ZNF609: variants seen among roughly 807,000 people sequenced by gnomAD.
ZNF609 encodes the protein zinc finger protein 609.
In ZNF609, 11 loss-of-function variants were observed where a neutral mutation model predicts 109.5. The ratio of observed to expected loss-of-function variants is 0.10; its 90% CI spans 0.06 to 0.17. The LOEUF (loss-of-function observed/expected upper bound fraction) is 0.17. Ranked by LOEUF, ZNF609 falls within the 10% of genes least tolerant of loss-of-function variation. The pLI is 1.00. For synonymous variants in ZNF609, 646 were observed against 662.0 expected, an observed-to-expected ratio of 0.98 and a Z score of 0.37; for missense variants, 1,559 against 1,772.4, an observed-to-expected ratio of 0.88 and a Z score of 2.16.
chr15:64,468,748 A>G (rs1759762552), intron 1 of ZNF609, among the ~76,000 whole-genome samples: 1 of 152,146 alleles, frequency 6.6e-6, no homozygotes, highest in Admixed American at 6.6e-5. Context: ...AGGGGAAAAA[A>G]TCATAGAATT....
At chr15:64,548,962 A>G (rs1320191957) in intron 2 of ZNF609, among the ~76,000 whole-genome samples, 1 of 152,186 alleles carries the variant, frequency 6.6e-6, no homozygotes, top group Admixed American at 6.5e-5. Flanking sequence ...AGATGGGTAT[A>G]TGGATATAAA....
chr15:64,574,679 GAAGTATTTCC>G (rs1894919623), intron 2 of ZNF609, among the ~76,000 whole-genome samples: 1 of 152,298 alleles, frequency 6.6e-6, no homozygotes, highest in East Asian at 1.9e-4. Flanking sequence ...GGATGAGGAT[GAAGTATTTCC>G]ACATGATTGC....
At chr15:64,677,798 A>G (rs1896827984) in intron 5 of ZNF609, among the ~76,000 whole-genome samples, 1 of 152,198 alleles carries the variant, frequency 6.6e-6, no homozygotes, top group African/African-American at 2.4e-5. Context: ...TGGAAGGGGC[A>G]GCCTCTCCTA....
chr15:64,478,039 C>T (rs1047304800), intron 1 of ZNF609, among the ~76,000 whole-genome samples: 1 of 152,094 alleles, frequency 6.6e-6, no homozygotes, highest in African/African-American at 2.4e-5. Flanking sequence ...TATTGGGACC[C>T]ATTTACTCTG....
At position 64,672,962 on chromosome 15, in the gene ZNF609, CA is replaced by C. The variant is rs554300308; in HGVS notation, c.1062-937del. Reference sequence around the variant, plus strand: ...CTGGCGACAGAGCAAGACTCCATCTCAAAAAAAAAAAAAAAAAGAATCAGAA... The same window carrying C: ...CTGGCGACAGAGCAAGACTCCATCTCAAAAAAAAAAAAAAAAGAATCAGAA... On this transcript the variant is annotated intron_variant, in intron 4 of 9. Transcript: ENST00000326648. Among the ~76,000 whole-genome samples the C allele has an allele frequency of 6.4e-3, 626 of 98,538 alleles. 3 individuals are homozygous for C. The highest frequency in any genetic ancestry group is 0.011 in the Admixed American group (95 of 8,596). 64.6% of individuals were successfully genotyped at this position (98,538 alleles called of 152,430 possible).
rs373657056 is a variant in ZNF609 at position 64,676,007 on chromosome 15, C to T, written c.3153C>T (p.Thr1051=). The change falls in exon 5 of 10, where the codon ACC becomes ACT. Residue 1051 remains threonine (T), a synonymous_variant. Coordinates refer to ENST00000326648, the MANE Select transcript of ZNF609 (RefSeq NM_015042.2). ...AGCCGTCAATTCCACCAACTCTCAC[C>T]AAGGCCCCCAGCCTGACAGACCTGG... is the stretch of plus-strand genomic sequence containing the variant. ...KQKPSIPPTL[T]KAPSLTDLVK... 17 of 1,614,098 alleles carry T rather than the reference C, an allele frequency of 1.1e-5. 1 individual carries two copies. In the African/African-American group the frequency reaches 1.6e-4, roughly 15 times the overall value.
chr15:64,508,983 T>C (rs1403110718), intron 2 of ZNF609, among the ~76,000 whole-genome samples: 1 of 152,150 alleles, frequency 6.6e-6, no homozygotes, highest in Non-Finnish European at 1.5e-5. Context: ...TGTAAGCCAC[T>C]GTGCCCAGCT....
At chr15:64,490,047 C>CT (rs1893390301) in intron 1 of ZNF609, among the ~76,000 whole-genome samples, 1 of 152,188 alleles carries the variant, frequency 6.6e-6, no homozygotes, top group East Asian at 1.9e-4. Context: ...CAGCCTCAAC[C>CT]TCTTGGGCTC....
At chr15:64,515,031 C>T (rs1398712384) in intron 2 of ZNF609, among the ~76,000 whole-genome samples, 1 of 152,084 alleles carries the variant, frequency 6.6e-6, no homozygotes, top group African/African-American at 2.4e-5. Context: ...TTGTCTTAAG[C>T]AAATGGGATT....
intron 2 of ZNF609, among the ~76,000 whole-genome samples, chr15:64,540,580 T>C (rs906398124): frequency 1.3e-5 from 2 of 151,382 alleles, no homozygotes; most frequent in African/African-American, 4.8e-5. Flanking sequence ...AATTTTTGTA[T>C]TTTTTAGTAG....
chr15:64,563,514 C>G (rs1317473596), intron 2 of ZNF609, among the ~76,000 whole-genome samples: 1 of 151,802 alleles, frequency 6.6e-6, no homozygotes, highest in Non-Finnish European at 1.5e-5. Context: ...CAGTAGCTCA[C>G]GCCTGTAATC....
intron 1 of ZNF609, among the ~76,000 whole-genome samples, chr15:64,469,047 A>AAAC: frequency 7.1e-6 from 1 of 141,064 alleles, no homozygotes; most frequent in South Asian, 2.2e-4. Context: ...AAAAAAAAAA[A>AAAC]AAAAAAAAAC....
intron 1 of ZNF609, among the ~76,000 whole-genome samples, chr15:64,496,085 C>T (rs1893478725): frequency 6.6e-6 from 1 of 152,170 alleles, no homozygotes; most frequent in Non-Finnish European, 1.5e-5. Flanking sequence ...TCCCAAAGTG[C>T]TGGGATTACA....
intron 3 of ZNF609, among the ~76,000 whole-genome samples, chr15:64,659,140 A>C (rs1193405411): frequency 1.3e-5 from 2 of 152,084 alleles, no homozygotes; most frequent in African/African-American, 2.4e-5. Context: ...TTGGCACCTG[A>C]ACTGAGATCC....
intron 2 of ZNF609, chr15:64,529,713 G>T: frequency 1.5e-6 from 1 of 665,268 alleles, no homozygotes; most frequent in Non-Finnish European, 2.8e-6. Flanking sequence ...AGAATATGTG[G>T]CTGTCTGTCG....
intron 1 of ZNF609, among the ~76,000 whole-genome samples, chr15:64,489,471 T>G (rs8033486): frequency 0.046 from 6,945 of 151,278 alleles, 532 homozygotes; most frequent in African/African-American, 0.16. Flanking sequence ...GGAGCCACTG[T>G]GCCTGGCACA....
intron 2 of ZNF609, among the ~76,000 whole-genome samples, chr15:64,584,033 C>G (rs1895154064): frequency 6.6e-6 from 1 of 152,190 alleles, no homozygotes; most frequent in South Asian, 2.1e-4. Flanking sequence ...CTGCTATTCT[C>G]TTCTCTCTTG....
At chr15:64,574,334 G>T (rs1180362580) in intron 2 of ZNF609, among the ~76,000 whole-genome samples, 1 of 152,080 alleles carries the variant, frequency 6.6e-6, no homozygotes, top group East Asian at 1.9e-4. Context: ...TATTGATGGA[G>T]TTCCTGTCCC....
chr15:64,619,205 G>T (rs1478405728), intron 2 of ZNF609, among the ~76,000 whole-genome samples: 1 of 152,062 alleles, frequency 6.6e-6, no homozygotes, highest in Admixed American at 6.6e-5. Flanking sequence ...TCACAATGTT[G>T]CCCTGGCTGG....
Sources: gnomAD v4.1 joint callset for allele counts (sites outside exome capture counted in the v4.1 genomes callset) on GRCh38, gnomAD v4.1.1 for gene constraint, MANE v1.5 for transcripts, NCBI Gene and HGNC (gene_info 2026-07-23, HGNC 2026-07-21) for gene names.